Variants in USP15 observed in about 807,000 individuals in gnomAD.
USP15 encodes ubiquitin carboxyl-terminal hydrolase 15.
A neutral mutation model predicts 127.1 loss-of-function variants in USP15; 18 were observed. The ratio of observed to expected loss-of-function variants is 0.14; its 90% CI spans 0.10 to 0.21. The LOEUF (loss-of-function observed/expected upper bound fraction) is 0.21. USP15 is among the 10% of genes least tolerant of loss of function. USP15 has a pLI of 1.00. For synonymous variants in USP15, 364 were observed against 393.7 expected (o/e 0.92, Z 0.89); for missense variants, 805 against 1,159.9 (o/e 0.69, Z 4.44).
chr12:62,404,347 A>G lies in USP15; in HGVS notation c.2918A>G (p.Glu973Gly). 6.2e-7 allele frequency: 1 copy of G among 1,611,418 alleles called. No individual in the cohort carries two copies. The highest frequency in any genetic ancestry group is 8.5e-7 in the Non-Finnish European group (1 of 1,178,466). ...AGCAATGATAATGACAATGATATAG[A>G]AAATGAAAACTGTATGCACACTAAC... ...EDSNDNDNDI[E>G]NENCMHTN Residue 973 changes from glutamate (E) to glycine (G), a missense_variant, in exon 22 of 22, where the codon GAA becomes GGA. Glu to Gly is a moderately conservative substitution (Grantham distance 98). Coordinates refer to ENST00000280377, the MANE Select transcript of USP15 (RefSeq NM_001252078.2).
intron 2 of USP15, among the ~76,000 whole-genome samples, chr12:62,299,626 T>C (rs1034449553): frequency 2.6e-4 from 40 of 152,218 alleles, no homozygotes; most frequent in African/African-American, 9.4e-4. Flanking sequence ...CTATGAACAT[T>C]CATGTAAAAG....
chr12:62,323,576 C>T (rs2065045712), intron 5 of USP15, among the ~76,000 whole-genome samples: 1 of 152,074 alleles, frequency 6.6e-6, no homozygotes, highest in African/African-American at 2.4e-5. Flanking sequence ...GAAGTGTGGA[C>T]CTTGGAAATC....
chr12:62,315,130 G>A (rs2064795760), intron 4 of USP15: 2 of 383,170 alleles, frequency 5.2e-6, no homozygotes, highest in Non-Finnish European at 8.5e-6. Flanking sequence ...GTGCTGTTTT[G>A]CTTTTTTATA....
chr12:62,326,037 A>G, intron 6 of USP15, 104 bp downstream of exon 6: 1 of 935,218 alleles, frequency 1.1e-6, no homozygotes, highest in Non-Finnish European at 1.6e-6. Context: ...TATTGCAGAA[A>G]TTCATGCCTT....
At chr12:62,328,248 T>G (rs1434444701) in intron 6 of USP15, 2 of 441,410 alleles carry the variant, frequency 4.5e-6, no homozygotes, top group East Asian at 7.0e-5. Flanking sequence ...AAGCAGTTGT[T>G]TTTTCTATAC....
intron 1 of USP15, among the ~76,000 whole-genome samples, chr12:62,283,531 G>T (rs1452669851): frequency 6.6e-6 from 1 of 152,120 alleles, no homozygotes; most frequent in Non-Finnish European, 1.5e-5. Flanking sequence ...AGAAAGGAAT[G>T]ATTAAACACA....
intron 2 of USP15, among the ~76,000 whole-genome samples, chr12:62,301,461 A>G (rs2064317809): frequency 6.6e-6 from 1 of 152,210 alleles, no homozygotes; most frequent in African/African-American, 2.4e-5. Context: ...CTGAATGGAG[A>G]AACAAAATGT....
At chr12:62,303,037 A>T (rs1378026289) in intron 3 of USP15, 117 bp downstream of exon 3, 1 of 1,181,156 alleles carries the variant, frequency 8.5e-7, no homozygotes, top group African/African-American at 1.5e-5. Flanking sequence ...AGCCAGCAAA[A>T]TAACCGTACA....
At position 62,406,736 on chromosome 12, in the gene USP15, G is replaced by A. The variant is rs1305495111; in HGVS notation, c.*2361G>A. The stretch of plus-strand genomic sequence containing the variant: ...GCACTTTGGGAGACTCAGGCGGGAG[G>A]ATCACTTGAGCCCAGGAGTTTGAGA... On this transcript the variant is annotated 3_prime_UTR_variant, in exon 22 of 22. Transcript: ENST00000280377. The A allele has an allele frequency of 6.6e-6, 1 of 152,436 alleles. No homozygotes were observed. The highest frequency in any genetic ancestry group is 1.5e-5 in the Non-Finnish European group (1 of 68,230). 9.4% of individuals were successfully genotyped at this position (152,436 alleles called of 1,614,324 possible). A position where few individuals can be genotyped will look rare whatever the true frequency, so the allele number is the denominator to read the frequency against.
At chr12:62,335,261 C>T in intron 6 of USP15, 1 of 1,517,642 alleles carries the variant, frequency 6.6e-7, no homozygotes, top group Non-Finnish European at 8.8e-7. Context: ...CACAGACTGA[C>T]CAGTCAACCC....
At chr12:62,356,286 A>C (rs1202305837) in intron 8 of USP15, among the ~76,000 whole-genome samples, 1 of 151,604 alleles carries the variant, frequency 6.6e-6, no homozygotes, top group Non-Finnish European at 1.5e-5. Flanking sequence ...TTTTTGTTGA[A>C]TCTCCTATGC....
intron 6 of USP15, among the ~76,000 whole-genome samples, chr12:62,348,928 G>C (rs79431622): frequency 0.022 from 3,350 of 152,128 alleles, 125 homozygotes; most frequent in African/African-American, 0.075. Context: ...GTTAAAAATG[G>C]TTACCTAAAC....
chr12:62,317,866 A>C (rs535523297), intron 4 of USP15, among the ~76,000 whole-genome samples: 1 of 152,324 alleles, frequency 6.6e-6, no homozygotes, highest in African/African-American at 2.4e-5. Context: ...GCCAAAATTG[A>C]TATATTTGAG....
rs1411430479 is a variant in USP15, at chr12:62,408,349, ATCT to A, written c.*3978_*3980del. On this transcript the variant is annotated 3_prime_UTR_variant, in exon 22 of 22. Coordinates refer to ENST00000280377, the MANE Select transcript of USP15 (RefSeq NM_001252078.2). ...ACTCTCCCTATGTAGTATGTTTCTG[ATCT>A]TCTGTGCTTGTGCAGTGTAGATGAG... 1 of 152,048 alleles carries A rather than the reference ATCT, an allele frequency of 6.6e-6. No individual in the cohort carries two copies. Among genetic ancestry groups the A allele is most frequent in the South Asian group, 2.1e-4 (1 of 4,820 alleles). 9.4% of individuals were successfully genotyped at this position (152,048 alleles called of 1,614,324 possible). A position where few individuals can be genotyped will look rare whatever the true frequency, so the allele number is the denominator to read the frequency against.
rs117236213 is a variant in USP15 at position 62,399,273 on chromosome 12, G to A, written c.2675-1914G>A. Reference sequence around the variant, plus strand: ...AGCAACAGCTTAGCAGAGGTCCTGTGTAGCTGGAAGGAGAGAAAATAGGGA... The same window carrying A: ...AGCAACAGCTTAGCAGAGGTCCTGTATAGCTGGAAGGAGAGAAAATAGGGA... On this transcript the variant is annotated intron_variant, in intron 20 of 21. Transcript: ENST00000280377. 5.6e-3 allele frequency among the ~76,000 whole-genome samples: 853 copies of A among 152,316 alleles called. 5 individuals are homozygous for A. The highest frequency in any genetic ancestry group is 9.0e-3 in the Non-Finnish European group (614 of 68,036).
intron 4 of USP15, among the ~76,000 whole-genome samples, chr12:62,317,884 C>T (rs2064876513): frequency 6.6e-6 from 1 of 152,116 alleles, no homozygotes; most frequent in Non-Finnish European, 1.5e-5. Flanking sequence ...GAGCATTGAG[C>T]ATGTTTAAGT....
chr12:62,273,086 T>C (rs1392390005), intron 1 of USP15, among the ~76,000 whole-genome samples: 1 of 152,004 alleles, frequency 6.6e-6, no homozygotes, highest in East Asian at 1.9e-4. Context: ...CCCCACCTTG[T>C]CATAAACTCC....
chr12:62,324,616 A>G (rs1223948621), intron 5 of USP15, among the ~76,000 whole-genome samples: 4 of 151,992 alleles, frequency 2.6e-5, no homozygotes. Context: ...TAGGGAGAGG[A>G]AGGTGATCAG....
intron 14 of USP15, 25 bp downstream of exon 14, chr12:62,390,013 G>C (rs1370973744): frequency 6.5e-7 from 1 of 1,529,820 alleles, no homozygotes; most frequent in East Asian, 2.3e-5. Flanking sequence ...ATTCTACATT[G>C]ACAAAATAAA....
Sources: allele counts gnomAD v4.1 joint callset (sites outside exome capture counted in the v4.1 genomes callset), GRCh38; gene constraint gnomAD v4.1.1; transcripts MANE v1.5; gene names NCBI Gene and HGNC (gene_info 2026-07-23, HGNC 2026-07-21).